The following HEY1 variants were observed in gnomAD, a reference collection of about 807,000 sequenced individuals.
HEY1 encodes hairy/enhancer-of-split related with YRPW motif protein 1.
In HEY1, 9 loss-of-function variants were observed where a neutral mutation model predicts 28.7. The ratio of observed to expected loss-of-function variants is 0.31; its 90% CI spans 0.19 to 0.55. The LOEUF (loss-of-function observed/expected upper bound fraction) is 0.55, where lower values mean the gene tolerates loss of function less well. HEY1 is among the 20% of genes least tolerant of loss of function. HEY1 has a pLI of 0.93. For synonymous variants in HEY1, 213 were observed against 175.6 expected (o/e 1.21, Z -1.68); for missense variants, 385 against 399.4 (o/e 0.96, Z 0.31).
In HEY1 at chr8:79,764,277, G is replaced by A. The variant is rs1807773744; in HGVS notation, c.*911C>T. The stretch of plus-strand genomic sequence containing the variant: ...AAATATGGCAGTCCCAGGAAAATTA[G>A]GTTATGCATTTAACAGTTTCCACTG... On this transcript the variant is annotated 3_prime_UTR_variant, in exon 5 of 5. Transcript: ENST00000354724. 4.4e-6 allele frequency: 1 copy of A among 224,916 alleles called. No homozygotes were observed. The highest frequency in any genetic ancestry group is 2.2e-5 in the African/African-American group (1 of 44,854). 13.9% of individuals were successfully genotyped at this position (224,916 alleles called of 1,614,324 possible). A position where few individuals can be genotyped will look rare whatever the true frequency, so the allele number is the denominator to read the frequency against.
intron 4 of HEY1, chr8:79,766,248 T>C (rs1807832083): frequency 7.2e-6 from 11 of 1,532,372 alleles, no homozygotes; most frequent in Non-Finnish European, 9.6e-6. Flanking sequence ...AATACATTTC[T>C]TTCCTCAAGA....
rs534875773 is a variant in HEY1 at position 79,765,140 on chromosome 8, C to A, written c.*48G>T. ...TAAGGTGATGTTGGCAACAGTCCAG[C>A]CCAGCTGGGATTTTAAACTTTCCCC... On this transcript the variant is annotated 3_prime_UTR_variant, in exon 5 of 5. Coordinates refer to ENST00000354724, the MANE Select transcript of HEY1 (RefSeq NM_012258.4). 3 of 1,357,502 alleles carry A rather than the reference C, an allele frequency of 2.2e-6. No individual in the cohort carries two copies. The East Asian group carries it at 7.6e-5, about 34-fold the overall frequency. The allele number at this position is 1,357,502 out of a possible 1,614,324, so 84.1% of individuals were successfully genotyped here.
chr8:79,767,271 G>A lies in HEY1; in HGVS notation c.113C>T (p.Ser38Phe), dbSNP rs1252998774. The A allele has an allele frequency of 1.9e-6, 3 of 1,613,792 alleles. No homozygotes were observed. The highest frequency in any genetic ancestry group is 2.5e-6 in the Non-Finnish European group (3 of 1,179,860). ...CTGGGAAGATGTAGTTGGGGACATG[G>A]AACCTAGAGCCGAACTCAAGTTTCT... ...ENGNLSSALG[S>F]MSPTTSSQIL... The change falls in exon 2 of 5, where the codon TCC (serine) becomes TTC (phenylalanine). Residue 38 changes from serine to phenylalanine, a missense_variant. By Grantham distance (155) the Ser-to-Phe change is radical. Coordinates refer to ENST00000354724, the MANE Select transcript of HEY1 (RefSeq NM_012258.4).
In HEY1 at chr8:79,767,563, C is replaced by A; in HGVS notation, c.89+12G>T. 1 of 1,595,788 alleles carries A rather than the reference C, an allele frequency of 6.3e-7. No individual in the cohort carries two copies. On this transcript the variant is annotated intron_variant, in intron 1 of 4. Coordinates refer to ENST00000354724, the MANE Select transcript of HEY1 (RefSeq NM_012258.4). ...GCTCTGGCTCGGCTCCGCTCCGCCG[C>A]CGCCAGCTCACCCATTCTCGTCCGC...
In HEY1 at chr8:79,765,252, G is replaced by A. The variant is rs1477051182; in HGVS notation, c.851C>T (p.Pro284Leu). ...CTTGCCAAGGTTTGCAGCCTGCGTG[G>A]GTGCTGAAGGGCTCAGTGCATTGGG... ...LSPNALSPSA[P>L]TQAANLGKPY... The change falls in exon 5 of 5, where the codon CCC (proline) becomes CTC (leucine). Residue 284 changes from proline to leucine, a missense_variant. This residue lies in a region of HEY1 where 223 missense variants were observed against 215.9 expected (regional missense o/e 1.03). Transcript: ENST00000354724. 1 of 1,554,234 alleles carries A rather than the reference G, an allele frequency of 6.4e-7. No homozygotes were observed. Among genetic ancestry groups the A allele is most frequent in the African/African-American group, 1.4e-5 (1 of 73,482 alleles).
In HEY1 at chr8:79,767,201, G is replaced by C. The variant is rs777302485; in HGVS notation, c.165+18C>G. The C allele has an allele frequency of 6.2e-7, 1 of 1,601,554 alleles. No homozygotes were observed. Among genetic ancestry groups the C allele is most frequent in the Admixed American group, 1.7e-5 (1 of 58,806 alleles). Reference sequence around the variant, plus strand: ...TTAATCAATAACAAAAATAAAAGGAGAGTGTAAAGAGACTCACTCCTCTCC... The same window carrying C: ...TTAATCAATAACAAAAATAAAAGGACAGTGTAAAGAGACTCACTCCTCTCC... On this transcript the variant is annotated intron_variant, in intron 2 of 4. Coordinates refer to ENST00000354724, the MANE Select transcript of HEY1 (RefSeq NM_012258.4).
rs957495531 is a variant in HEY1 at position 79,764,870 on chromosome 8, G to C, written c.*318C>G. On this transcript the variant is annotated 3_prime_UTR_variant, in exon 5 of 5. Coordinates refer to ENST00000354724, the MANE Select transcript of HEY1 (RefSeq NM_012258.4). ...TTCCCCAAATTTTGAGGCAAAAACG[G>C]AATCATTCTGGTTTACAAAGTAAAT... 7.8e-6 allele frequency: 2 copies of C among 256,870 alleles called. No individual in the cohort carries two copies. Among genetic ancestry groups the C allele is most frequent in the African/African-American group, 4.3e-5 (2 of 46,006 alleles). 15.9% of individuals were successfully genotyped at this position (256,870 alleles called of 1,614,324 possible).
Position 79,765,636 on chromosome 8 carries a change from G to A in HEY1, c.467C>T (p.Ser156Leu). The A allele has an allele frequency of 6.2e-7, 1 of 1,614,228 alleles. No individual in the cohort carries two copies. ...ASDPLRVRLV[S>L]HLNNYASQRE... is the part of the protein sequence containing the mutation. ...CTGGGAAGCGTAGTTGTTGAGATGCGAAACCAGTCGAACTCGAAGCGGGTC... is the reference window on the plus strand; with the variant it reads ...CTGGGAAGCGTAGTTGTTGAGATGCAAAACCAGTCGAACTCGAAGCGGGTC... Residue 156 changes from serine to leucine, a missense_variant, in exon 5 of 5, where the codon TCG becomes TTG. Ser to Leu is a moderately radical substitution (Grantham distance 145). Transcript: ENST00000354724.
intron 1 of HEY1, 41 bp from the exon 2 acceptor site, chr8:79,767,335 T>A: frequency 6.4e-7 from 1 of 1,556,786 alleles, no homozygotes; most frequent in Non-Finnish European, 8.8e-7. Flanking sequence ...GAAATCGCCG[T>A]TAAACGAGGA....
chr8:79,766,834 T>TTTAC, intron 3 of HEY1, 102 bp from the exon 4 acceptor site: 2 of 1,387,350 alleles, frequency 1.4e-6, no homozygotes, highest in Non-Finnish European at 2.0e-6. Flanking sequence ...TTGTAAATCG[T>TTTAC]AAAGCATGGA....
intron 1 of HEY1, 81 bp downstream of exon 1, chr8:79,767,494 G>T: frequency 7.2e-7 from 1 of 1,393,444 alleles, no homozygotes; most frequent in Non-Finnish European, 1.0e-6. Flanking sequence ...GCGCGCCAAG[G>T]GTCCTAGCCC....
chr8:79,765,619 C>T lies in HEY1; in HGVS notation c.484G>A (p.Ala162Thr). 1 of 1,614,168 alleles carries T rather than the reference C, an allele frequency of 6.2e-7. No homozygotes were observed. Among genetic ancestry groups the T allele is most frequent in the Non-Finnish European group, 8.5e-7 (1 of 1,180,042 alleles). Residue 162 changes from alanine (A) to threonine (T), a missense_variant, in exon 5 of 5, where the codon GCT becomes ACT. Physicochemically the swap from Ala to Thr is moderately conservative, Grantham distance 58. This residue lies in a region of HEY1 where 223 missense variants were observed against 215.9 expected (regional missense o/e 1.03). Coordinates refer to ENST00000354724, the MANE Select transcript of HEY1 (RefSeq NM_012258.4). ...VRLVSHLNNY[A>T]SQREAASGAH... The stretch of plus-strand genomic sequence containing the variant: ...CCGCTCGCGGCTTCCCGCTGGGAAG[C>T]GTAGTTGTTGAGATGCGAAACCAGT...
chr8:79,767,048 A>G lies in HEY1; in HGVS notation c.210T>C (p.Ser70=). The change falls in exon 3 of 5, where the codon TCT becomes TCC. Residue 70 remains serine, a synonymous_variant. Coordinates refer to ENST00000354724, the MANE Select transcript of HEY1 (RefSeq NM_012258.4). ...CACTGGGTACCAGCCTTCTCAGCTC[A>G]GACAAACTGTTATTGATCCGGTCTC... The part of the protein sequence containing the change: ...RRRDRINNSL[S]ELRRLVPSAF... 1 of 1,614,160 alleles carries G rather than the reference A, an allele frequency of 6.2e-7. No individual in the cohort carries two copies. Among genetic ancestry groups the G allele is most frequent in the East Asian group, 2.2e-5 (1 of 44,874 alleles).
Position 79,765,456 on chromosome 8 carries a change from T to C in HEY1, c.647A>G (p.Gln216Arg). The C allele has an allele frequency of 6.2e-7, 1 of 1,613,236 alleles. No homozygotes were observed. The highest frequency in any genetic ancestry group is 8.5e-7 in the Non-Finnish European group (1 of 1,179,618). ...TTASPTEPHH[Q>R]GRLGSAHPEA... ...CGGATGTGCCGAGCCCAGCCTGCCCTGGTGGTGCGGTTCCGTGGGTGAGGC... is the reference window on the plus strand; with the variant it reads ...CGGATGTGCCGAGCCCAGCCTGCCCCGGTGGTGCGGTTCCGTGGGTGAGGC... Residue 216 changes from glutamine (Q) to arginine (R), a missense_variant, in exon 5 of 5, where the codon CAG becomes CGG. By Grantham distance (43) the Gln-to-Arg change is conservative. Around this residue, in one of 3 missense-constraint regions of HEY1, gnomAD observed 223 missense variants for 215.9 expected, o/e 1.03. Transcript: ENST00000354724.
Position 79,765,684 on chromosome 8 carries a change from ATGCTCAGATAACGCGCAACTTC to A in HEY1, c.397_418del (p.Glu133SerfsTer5). ...GTCAGAGGCATCTAGTCCTTCAATG[ATGCTCAGATAACGCGCAACTTC>A]TGCCAGGCATTCCCGAAATCCCAAA... On this transcript the variant is annotated frameshift_variant, in exon 5 of 5. Coordinates refer to ENST00000354724, the MANE Select transcript of HEY1 (RefSeq NM_012258.4). LOFTEE classifies it high-confidence loss of function. 6.2e-7 allele frequency: 1 copy of A among 1,614,232 alleles called. No homozygotes were observed. The highest frequency in any genetic ancestry group is 1.1e-5 in the South Asian group (1 of 91,082).
Position 79,766,741 on chromosome 8 carries a change from G to T in HEY1, c.250-9C>A, listed in dbSNP as rs756633732. 7 of 1,613,670 alleles carry T rather than the reference G, an allele frequency of 4.3e-6. No individual in the cohort carries two copies. In the East Asian group the frequency reaches 1.6e-4, roughly 36 times the overall value. ...TCTAGCTTAGCAGATCCCTAAAGATGAGAATGGCAAAAGATTGATTTGGCA... is the reference window on the plus strand; with the variant it reads ...TCTAGCTTAGCAGATCCCTAAAGATTAGAATGGCAAAAGATTGATTTGGCA... On this transcript the variant is annotated splice_polypyrimidine_tract_variant and intron_variant, in intron 3 of 4. Coordinates refer to ENST00000354724, the MANE Select transcript of HEY1 (RefSeq NM_012258.4).
rs1231553792 is a variant in HEY1, at chr8:79,765,228, T to TTGC, written c.872_874dup (p.Gly291_Lys292insSer). 6.4e-7 allele frequency: 1 copy of TTGC among 1,552,892 alleles called. No homozygotes were observed. The highest frequency in any genetic ancestry group is 8.7e-7 in the Non-Finnish European group (1 of 1,147,456). ...CTCCGTCCCCCAAGGTCTATAGGGCTTGCCAAGGTTTGCAGCCTGCGTGGG... is the reference window on the plus strand; with the variant it reads ...CTCCGTCCCCCAAGGTCTATAGGGCTTGCTGCCAAGGTTTGCAGCCTGCGTGGG... On this transcript the variant is annotated inframe_insertion, in exon 5 of 5. Coordinates refer to ENST00000354724, the MANE Select transcript of HEY1 (RefSeq NM_012258.4).
Position 79,765,374 on chromosome 8 carries a change from C to T in HEY1, c.729G>A (p.Val243=), listed in dbSNP as rs1248464020. Reference sequence around the variant, plus strand: ...GCGACAGTTTGGAGGCGGAGGTGACCACAGGGAGCACCGGTCCGAGGCTGC... The same window carrying T: ...GCGACAGTTTGGAGGCGGAGGTGACTACAGGGAGCACCGGTCCGAGGCTGC... ...PSGSLGPVLP[V]VTSASKLSPP... is the part of the protein sequence containing the mutation. The change falls in exon 5 of 5, where the codon GTG becomes GTA. Residue 243 remains valine, a synonymous_variant. Coordinates refer to ENST00000354724, the MANE Select transcript of HEY1 (RefSeq NM_012258.4). 6.3e-7 allele frequency: 1 copy of T among 1,593,568 alleles called. No homozygotes were observed. Among genetic ancestry groups the T allele is most frequent in the Admixed American group, 1.8e-5 (1 of 56,020 alleles).
chr8:79,764,662 T>C lies in HEY1; in HGVS notation c.*526A>G, dbSNP rs1807782579. 1 of 222,460 alleles carries C rather than the reference T, an allele frequency of 4.5e-6. No individual in the cohort carries two copies. Among genetic ancestry groups the C allele is most frequent in the South Asian group, 1.8e-4 (1 of 5,462 alleles). 13.8% of individuals were successfully genotyped at this position (222,460 alleles called of 1,614,324 possible). A position where few individuals can be genotyped will look rare whatever the true frequency, so the allele number is the denominator to read the frequency against. On this transcript the variant is annotated 3_prime_UTR_variant, in exon 5 of 5. Transcript: ENST00000354724. ...GATTTGTCAACGCTTTGCTCAGAAATATAAAATTCAATATAGTTCCCCTCC... is the reference window on the plus strand; with the variant it reads ...GATTTGTCAACGCTTTGCTCAGAAACATAAAATTCAATATAGTTCCCCTCC...
Sources: gnomAD v4.1 joint callset for allele counts on GRCh38, gnomAD v4.1.1 for gene constraint, gnomAD v4.1.1 regional missense constraint, MANE v1.5 for transcripts, NCBI Gene and HGNC (gene_info 2026-07-23, HGNC 2026-07-21) for gene names.